Variants in PIP4K2A observed in about 807,000 individuals in gnomAD.
The protein encoded by PIP4K2A is phosphatidylinositol 5-phosphate 4-kinase type-2 alpha.
PIP4K2A carries 14 observed loss-of-function variants against 42.9 expected under a neutral mutation model. The observed-to-expected ratio is 0.33, with a 90% CI of 0.22 to 0.51. The LOEUF is 0.51. PIP4K2A is among the 20% of genes least tolerant of loss of function. The probability of loss-of-function intolerance (pLI) is 0.97; values close to 1 mark genes in which losing one functional copy is unlikely to be tolerated. For synonymous variants in PIP4K2A, 192 were observed against 192.2 expected (o/e 1.00, Z 0.01); for missense variants, 434 against 519.8 (o/e 0.83, Z 1.61).
chr10:22,585,752 C>T (rs1426613594), intron 4 of PIP4K2A, among the ~76,000 whole-genome samples: 1 of 152,036 alleles, frequency 6.6e-6, no homozygotes, highest in Non-Finnish European at 1.5e-5. Flanking sequence ...AGGCATACAC[C>T]CCCAGCTAAT....
intron 6 of PIP4K2A, among the ~76,000 whole-genome samples, chr10:22,563,384 AG>A (rs2130781809): frequency 1.3e-5 from 2 of 152,382 alleles, no homozygotes; most frequent in Admixed American, 1.3e-4. Flanking sequence ...TACATCTGAA[AG>A]TATGAGCGAA....
chr10:22,550,998 G>A lies in PIP4K2A; in HGVS notation c.679-226C>T, dbSNP rs1926422. Among the ~76,000 whole-genome samples, 820 of 152,308 alleles carry A rather than the reference G, an allele frequency of 5.4e-3. 11 individuals are homozygous for A. Among genetic ancestry groups the A allele is most frequent in the African/African-American group, 0.018 (744 of 41,544 alleles). On this transcript the variant is annotated intron_variant, in intron 6 of 9. Coordinates refer to ENST00000376573, the MANE Select transcript of PIP4K2A (RefSeq NM_005028.5). ...AAGCATTCGCAAGAGCAGTGGGGTG[G>A]GGGTCAGACAGACTCCATATCATAA...
chr10:22,690,769 G>A (rs775908636), intron 1 of PIP4K2A, among the ~76,000 whole-genome samples: 18 of 152,206 alleles, frequency 1.2e-4, no homozygotes, highest in Non-Finnish European at 2.2e-4. Flanking sequence ...AGGCAAATGG[G>A]AGGGCTAGAA....
intron 5 of PIP4K2A, 120 bp from the exon 6 acceptor site, chr10:22,568,009 A>T: frequency 1.1e-6 from 1 of 880,110 alleles, no homozygotes; most frequent in South Asian, 1.3e-5. Context: ...TCTGCTTCGC[A>T]GCCCATGCGG....
rs930119871 is a variant in PIP4K2A, at chr10:22,582,857, A to G, written c.492+8772T>C. Among the ~76,000 whole-genome samples the G allele has an allele frequency of 3.3e-5, 5 of 150,588 alleles. No individual in the cohort carries two copies. In the Admixed American group the frequency reaches 3.3e-4, roughly 10 times the overall value. On this transcript the variant is annotated intron_variant, in intron 4 of 9. Transcript: ENST00000376573. ...TTGGGGATAATGATCTGTAAATGTC[A>G]GTTAATATAATTTGATTTCAAATCG...
At chr10:22,612,858 T>G (rs1021023075) in intron 1 of PIP4K2A, among the ~76,000 whole-genome samples, 49 of 152,094 alleles carry the variant, frequency 3.2e-4, no homozygotes, top group Admixed American at 2.0e-4. Context: ...GGGTCTGAAG[T>G]TCCCAGGGGC....
intron 8 of PIP4K2A, 91 bp from the exon 9 acceptor site, chr10:22,540,165 C>T (rs1302353033): frequency 6.5e-6 from 5 of 774,296 alleles, no homozygotes; most frequent in Admixed American, 3.5e-5. Flanking sequence ...AGAAGTGAGC[C>T]TGGAGGGAGG....
chr10:22,674,824 G>A (rs774820129), intron 1 of PIP4K2A, among the ~76,000 whole-genome samples: 37 of 151,358 alleles, frequency 2.4e-4, no homozygotes, highest in Non-Finnish European at 2.9e-4. Flanking sequence ...ACCCAGCCAG[G>A]AGTGGTGGTG....
At chr10:22,628,191 G>A (rs1838485205) in intron 1 of PIP4K2A, among the ~76,000 whole-genome samples, 1 of 152,108 alleles carries the variant, frequency 6.6e-6, no homozygotes, top group Admixed American at 6.5e-5. Context: ...AACACAAGAT[G>A]ACTTACTAAA....
chr10:22,545,165 C>T (rs952189844), intron 7 of PIP4K2A, among the ~76,000 whole-genome samples: 14 of 152,220 alleles, frequency 9.2e-5, no homozygotes, highest in Non-Finnish European at 1.8e-4. Flanking sequence ...CCAACTCTCC[C>T]TAATTCTCCC....
intron 6 of PIP4K2A, among the ~76,000 whole-genome samples, chr10:22,551,225 A>C (rs945564703): frequency 6.6e-6 from 1 of 152,086 alleles, no homozygotes; most frequent in Non-Finnish European, 1.5e-5. Flanking sequence ...TGCAAATAAC[A>C]TGTTATCTTG....
intron 1 of PIP4K2A, among the ~76,000 whole-genome samples, chr10:22,619,686 G>A (rs928556834): frequency 1.3e-5 from 2 of 151,906 alleles, no homozygotes; most frequent in African/African-American, 2.4e-5. Context: ...ATCCACCCGC[G>A]TTGGCCTCCC....
At chr10:22,639,644 C>T (rs190092706) in intron 1 of PIP4K2A, among the ~76,000 whole-genome samples, 3 of 152,104 alleles carry the variant, frequency 2.0e-5, no homozygotes, top group East Asian at 1.9e-4. Context: ...TACAAAATGC[C>T]GCAAGCTTTC....
At chr10:22,562,399 A>G (rs534834100) in intron 6 of PIP4K2A, among the ~76,000 whole-genome samples, 1 of 152,238 alleles carries the variant, frequency 6.6e-6, no homozygotes, top group Non-Finnish European at 1.5e-5. Context: ...ATACAAAAAA[A>G]TTAGCCAAGC....
intron 1 of PIP4K2A, among the ~76,000 whole-genome samples, chr10:22,610,034 C>A (rs80100499): frequency 0.025 from 3,866 of 152,308 alleles, 163 homozygotes; most frequent in African/African-American, 0.087. Context: ...ATCCCACAGA[C>A]CCTTTGGTCA....
Position 22,601,179 on chromosome 10 carries a change from T to C in PIP4K2A, c.339+6748A>G, listed in dbSNP as rs1372024605. ...AAAAAAAAAACAAACCAGGAACATG[T>C]CCCCAAGGCTCACGGTAAACACAGC... is the stretch of plus-strand genomic sequence containing the variant. On this transcript the variant is annotated intron_variant, in intron 3 of 9. Transcript: ENST00000376573. 1.0e-4 allele frequency among the ~76,000 whole-genome samples: 12 copies of C among 116,046 alleles called. 1 individual carries two copies. The highest frequency in any genetic ancestry group is 3.5e-4 in the African/African-American group (12 of 33,922). 76.1% of individuals were successfully genotyped at this position (116,046 alleles called of 152,430 possible).
intron 1 of PIP4K2A, among the ~76,000 whole-genome samples, chr10:22,661,067 G>T (rs1839196631): frequency 6.6e-6 from 1 of 152,152 alleles, no homozygotes; most frequent in Non-Finnish European, 1.5e-5. Flanking sequence ...ACTCAGTTTT[G>T]CTGTGAAACT....
intron 1 of PIP4K2A, among the ~76,000 whole-genome samples, chr10:22,678,315 T>A (rs1246033151): frequency 1.3e-5 from 2 of 152,038 alleles, no homozygotes; most frequent in African/African-American, 4.8e-5. Flanking sequence ...CATGTGCGTG[T>A]CTTCATGTGG....
intron 1 of PIP4K2A, among the ~76,000 whole-genome samples, chr10:22,632,344 T>C (rs114794224): frequency 6.9e-4 from 105 of 152,290 alleles, no homozygotes; most frequent in African/African-American, 2.4e-3. Flanking sequence ...ATATGGGAGT[T>C]CTTTGTATTA....
Sources: gnomAD v4.1 joint callset for allele counts (sites outside exome capture counted in the v4.1 genomes callset) on GRCh38, gnomAD v4.1.1 for gene constraint, MANE v1.5 for transcripts, NCBI Gene and HGNC (gene_info 2026-07-23, HGNC 2026-07-21) for gene names.